The following IQCM variants were observed in gnomAD, a reference collection of about 807,000 sequenced individuals.
IQCM encodes IQ domain-containing protein M.
Under a neutral mutation model 57.6 loss-of-function variants are expected in IQCM, and 45 were observed. That is an observed-to-expected ratio of 0.78 (90% CI 0.62 to 1.00). IQCM has a LOEUF of 1.00. Among genes scored for constraint, IQCM ranks in the 50% least tolerant of loss-of-function variants. The pLI, the probability that IQCM is intolerant of heterozygous loss-of-function variation, is 0.00. For missense variants in IQCM, 468 were observed against 511.6 expected, an observed-to-expected ratio of 0.91 and a Z score of 0.82; for synonymous variants, 148 against 158.9, an observed-to-expected ratio of 0.93 and a Z score of 0.51.
intron 2 of IQCM, among the ~76,000 whole-genome samples, chr4:149,760,807 T>C (rs1213520909): frequency 6.6e-6 from 1 of 152,064 alleles, no homozygotes; most frequent in Non-Finnish European, 1.5e-5. Context: ...TCTTAGTATT[T>C]ACTCTTAGTA....
chr4:149,366,132 C>A (rs1404120131), intron 13 of IQCM, among the ~76,000 whole-genome samples: 2 of 151,892 alleles, frequency 1.3e-5, no homozygotes, highest in African/African-American at 4.8e-5. Context: ...GTGGTACCAA[C>A]TTTTTTACTA....
intron 2 of IQCM, among the ~76,000 whole-genome samples, chr4:149,757,069 T>C (rs1039755813): frequency 1.3e-5 from 2 of 151,994 alleles, no homozygotes; most frequent in Non-Finnish European, 2.9e-5. Flanking sequence ...CCATCCTGGC[T>C]AACACAGTGA....
intron 2 of IQCM, among the ~76,000 whole-genome samples, chr4:149,751,361 C>T (rs1161648904): frequency 6.6e-6 from 1 of 152,186 alleles, no homozygotes; most frequent in Non-Finnish European, 1.5e-5. Context: ...GACAGTATGA[C>T]GTCATGGTGA....
chr4:149,704,287 C>T (rs1288569607), intron 5 of IQCM, among the ~76,000 whole-genome samples: 2 of 151,738 alleles, frequency 1.3e-5, no homozygotes, highest in Non-Finnish European at 2.9e-5. Flanking sequence ...CTTGCTCAAC[C>T]CCTGGAATAA....
chr4:149,716,031 GCAGCCCAGCCCCAGGCTT>G (rs1008283247), intron 5 of IQCM, among the ~76,000 whole-genome samples: 1 of 152,184 alleles, frequency 6.6e-6, no homozygotes, highest in African/African-American at 2.4e-5. Context: ...CACAGAACTG[GCAGCCCAGCCCCAGGCTT>G]CAGGCCATCC....
intron 12 of IQCM, among the ~76,000 whole-genome samples, chr4:149,522,180 T>C (rs1187135335): frequency 6.6e-6 from 1 of 152,196 alleles, no homozygotes; most frequent in East Asian, 1.9e-4. Flanking sequence ...CTAGTTCCTC[T>C]GGAACCTTTC....
At chr4:149,678,338 A>C (rs936554079) in intron 7 of IQCM, among the ~76,000 whole-genome samples, 1 of 151,942 alleles carries the variant, frequency 6.6e-6, no homozygotes, top group Non-Finnish European at 1.5e-5. Context: ...CAGACTTCTC[A>C]ATGGAAATCA....
chr4:149,466,349 T>C (rs7675037), intron 12 of IQCM, among the ~76,000 whole-genome samples: 81,548 of 151,996 alleles, frequency 0.54, 22,118 homozygotes, highest in Non-Finnish European at 0.57. Flanking sequence ...GGAGCTTAGT[T>C]TTCCCTAACA....
chr4:149,411,229 C>T (rs1264560347), intron 13 of IQCM, among the ~76,000 whole-genome samples: 1 of 152,102 alleles, frequency 6.6e-6, no homozygotes, highest in African/African-American at 2.4e-5. Context: ...TTTCAAATAT[C>T]ATTTTTACAT....
chr4:149,357,215 T>C (rs1429540762), intron 13 of IQCM, among the ~76,000 whole-genome samples: 3 of 152,198 alleles, frequency 2.0e-5, no homozygotes, highest in African/African-American at 4.8e-5. Context: ...AGTTCCTCTT[T>C]TCCTAATTTA....
intron 12 of IQCM, among the ~76,000 whole-genome samples, chr4:149,520,890 T>C (rs1259150827): frequency 6.6e-6 from 1 of 152,070 alleles, no homozygotes; most frequent in Non-Finnish European, 1.5e-5. Flanking sequence ...ATATGCCCAA[T>C]AGGAACTGCA....
intron 13 of IQCM, among the ~76,000 whole-genome samples, chr4:149,376,155 T>G (rs1730688611): frequency 6.6e-6 from 1 of 152,134 alleles, no homozygotes; most frequent in African/African-American, 2.4e-5. Flanking sequence ...CATTTTGATT[T>G]TGCTTTTTAC....
intron 5 of IQCM, among the ~76,000 whole-genome samples, chr4:149,700,179 T>C (rs1046020310): frequency 6.6e-6 from 1 of 152,060 alleles, no homozygotes; most frequent in African/African-American, 2.4e-5. Context: ...GGCATACATA[T>C]AGGCATACAC....
At chr4:149,384,980 A>G (rs1412745138) in intron 13 of IQCM, among the ~76,000 whole-genome samples, 7 of 152,038 alleles carry the variant, frequency 4.6e-5, no homozygotes, top group South Asian at 2.1e-4. Context: ...AAAATTTTCT[A>G]CACCATCCAC....
At chr4:149,581,823 A>G (rs1752209145) in intron 9 of IQCM, among the ~76,000 whole-genome samples, 1 of 151,500 alleles carries the variant, frequency 6.6e-6, no homozygotes. Context: ...GGAGAATTGC[A>G]CTTTCCCATT....
intron 2 of IQCM, among the ~76,000 whole-genome samples, chr4:149,781,433 T>G (rs1048798193): frequency 6.6e-6 from 1 of 152,162 alleles, no homozygotes; most frequent in Non-Finnish European, 1.5e-5. Flanking sequence ...CTACCCACCC[T>G]TAGTCATTTA....
chr4:149,600,317 T>A (rs2150030310), intron 8 of IQCM, among the ~76,000 whole-genome samples: 1 of 152,298 alleles, frequency 6.6e-6, no homozygotes, highest in Admixed American at 6.5e-5. Context: ...GCAAAGCAGA[T>A]GTTTTATTTC....
chr4:149,554,049 A>G (rs1749299111), intron 10 of IQCM, among the ~76,000 whole-genome samples: 1 of 152,040 alleles, frequency 6.6e-6, no homozygotes, highest in South Asian at 2.1e-4. Flanking sequence ...TCTAAATAAT[A>G]TTTAGATTTA....
chr4:149,813,468 A>G (rs1209365088), intron 2 of IQCM, among the ~76,000 whole-genome samples: 1 of 152,086 alleles, frequency 6.6e-6, no homozygotes, highest in East Asian at 1.9e-4. Context: ...AGAAAGCTCA[A>G]TCTTAAGTCA....
Sources: gnomAD v4.1 joint callset for allele counts (sites outside exome capture counted in the v4.1 genomes callset) on GRCh38, gnomAD v4.1.1 for gene constraint, MANE v1.5 for transcripts, NCBI Gene and HGNC (gene_info 2026-07-23, HGNC 2026-07-21) for gene names.